CLSTN3: variants seen among roughly 807,000 people sequenced by gnomAD.
The protein encoded by CLSTN3 is calsyntenin-3.
CLSTN3 carries 36 observed loss-of-function variants against 95.9 expected under a neutral mutation model. That is an observed-to-expected ratio of 0.38 (90% CI 0.29 to 0.50). The LOEUF is 0.50. CLSTN3 is among the 20% of genes least tolerant of loss of function. The pLI is 0.95. For missense variants in CLSTN3, 1,084 were observed against 1,268.8 expected, an observed-to-expected ratio of 0.85 and a Z score of 2.21; for synonymous variants, 481 against 504.0, an observed-to-expected ratio of 0.95 and a Z score of 0.61.
At chr12:7,148,208 GAAAGAAAT>G (rs756134386) in intron 12 of CLSTN3, among the ~76,000 whole-genome samples, 3 of 139,266 alleles carry the variant, frequency 2.2e-5, no homozygotes, top group Non-Finnish European at 4.6e-5. Context: ...AAGAAAGAAA[GAAAGAAAT>G]GTGGGAAAAT....
Position 7,130,622 on chromosome 12 carries a change from T to G in CLSTN3, c.-27T>G. On this transcript the variant is annotated 5_prime_UTR_variant, in exon 1 of 18. Coordinates refer to ENST00000266546, the MANE Select transcript of CLSTN3 (RefSeq NM_014718.4). ...GAGGCTCCCAGGGGAGGCAAACGCC[T>G]GGCCCTGCCCTGCCCCACGCCGCAC... is the stretch of plus-strand genomic sequence containing the variant. The G allele has an allele frequency of 6.4e-7, 1 of 1,556,392 alleles. No individual in the cohort carries two copies. Among genetic ancestry groups the G allele is most frequent in the Non-Finnish European group, 8.7e-7 (1 of 1,149,914 alleles).
Position 7,133,627 on chromosome 12 carries a change from T to A in CLSTN3, c.242T>A (p.Ile81Asn), listed in dbSNP as rs148147388. Residue 81 changes from isoleucine (I) to asparagine (N), a missense_variant, in exon 3 of 18, where the codon ATC becomes AAC. Ile to Asn is a moderately radical substitution (Grantham distance 149). Transcript: ENST00000266546. The surrounding 1 kb of genome is among the most constrained non-coding windows in gnomAD (Gnocchi z 4.7). ...TCTGGGGTGCCCTTTGAGGCTGTGA[T>A]CCTTGACAAGGCGACAGGAGAGGGG... is the stretch of plus-strand genomic sequence containing the variant. Reference protein sequence around the residue: ...HGSGVPFEAVILDKATGEGLI... With the variant: ...HGSGVPFEAVNLDKATGEGLI... The A allele has an allele frequency of 6.2e-7, 1 of 1,614,108 alleles. No individual in the cohort carries two copies.
intron 16 of CLSTN3, chr12:7,156,386 C>T (rs1939815960): frequency 1.1e-5 from 5 of 456,614 alleles, no homozygotes; most frequent in African/African-American, 2.0e-5. Flanking sequence ...CATGGCGGCT[C>T]GCTCTGTGGC....
At chr12:7,143,853 G>A (rs10845598) in intron 12 of CLSTN3, among the ~76,000 whole-genome samples, 101,012 of 152,066 alleles carry the variant, frequency 0.66, 35,073 homozygotes, top group Non-Finnish European at 0.77. Context: ...TATGTCTATG[G>A]CTACTTTCAC....
intron 1 of CLSTN3, chr12:7,132,316 G>T: frequency 4.2e-6 from 1 of 236,706 alleles, no homozygotes; most frequent in African/African-American, 2.3e-5. Flanking sequence ...AGCAGGGACG[G>T]GATTTGTCAT....
intron 8 of CLSTN3, among the ~76,000 whole-genome samples, chr12:7,139,436 T>G (rs1591615953): frequency 1.3e-5 from 2 of 152,218 alleles, no homozygotes; most frequent in East Asian, 3.9e-4. Flanking sequence ...GCTCAGCATG[T>G]TCCAAGCATG....
At position 7,133,045 on chromosome 12, in the gene CLSTN3, T is replaced by C; in HGVS notation, c.86T>C (p.Ile29Thr). 6.2e-7 allele frequency: 1 copy of C among 1,613,846 alleles called. No homozygotes were observed. The highest frequency in any genetic ancestry group is 8.5e-7 in the Non-Finnish European group (1 of 1,179,914). Residue 29 changes from isoleucine to threonine, a missense_variant, in exon 2 of 18, where the codon ATT (isoleucine) becomes ACT (threonine). Ile to Thr is a moderately conservative substitution (Grantham distance 89). Transcript: ENST00000266546. The surrounding 1 kb of genome is among the most constrained non-coding windows in gnomAD (Gnocchi z 4.7). Reference protein sequence around the residue: ...CNKANKHKPWIEAEYQGIVME... With the variant: ...CNKANKHKPWTEAEYQGIVME... ...CCAGCCAACAAGCACAAGCCATGGA[T>C]TGAGGCAGAGTACCAGGGCATCGTC...
At position 7,141,956 on chromosome 12, in the gene CLSTN3, G is replaced by A; in HGVS notation, c.1487-130G>A. On this transcript the variant is annotated intron_variant, in intron 9 of 17. Coordinates refer to ENST00000266546, the MANE Select transcript of CLSTN3 (RefSeq NM_014718.4). The surrounding 1 kb of genome is among the most constrained non-coding windows in gnomAD (Gnocchi z 4.1). ...CTGAGAGGTTGCAAGTTATACATGG[G>A]CAGGGTCAGAATCCCATGTGGGCAT... 1 of 683,024 alleles carries A rather than the reference G, an allele frequency of 1.5e-6. No individual in the cohort carries two copies. Among genetic ancestry groups the A allele is most frequent in the Non-Finnish European group, 2.4e-6 (1 of 410,214 alleles). 42.3% of individuals were successfully genotyped at this position (683,024 alleles called of 1,614,324 possible).
chr12:7,135,240 G>C (rs773182437), intron 3 of CLSTN3, 87 bp from the exon 4 acceptor site: 2 of 1,271,228 alleles, frequency 1.6e-6, no homozygotes, highest in Non-Finnish European at 2.3e-6. Flanking sequence ...GCTGTACCTC[G>C]GTGTGCTGTA....
chr12:7,143,403 C>A (rs1489522260), intron 12 of CLSTN3, 92 bp downstream of exon 12: 19 of 1,416,898 alleles, frequency 1.3e-5, no homozygotes, highest in Non-Finnish European at 1.6e-5. Flanking sequence ...GCTAGGCATA[C>A]CTCTTTTGTT....
rs1939383005 is a variant in CLSTN3, at chr12:7,135,245, GCTGTAT to G, written c.384-80_384-75del. ...CCGTATCGAGGCTGTACCTCGGTGT[GCTGTAT>G]CAAGGCTGTATCTCAATGTATAATG... On this transcript the variant is annotated intron_variant, in intron 3 of 17. Transcript: ENST00000266546. 4.1e-5 allele frequency: 55 copies of G among 1,328,302 alleles called. No homozygotes were observed. The South Asian group carries it at 5.9e-4, about 14-fold the overall frequency. The allele number at this position is 1,328,302 out of a possible 1,614,324, so 82.3% of individuals were successfully genotyped here. A position where few individuals can be genotyped will look rare whatever the true frequency, so the allele number is the denominator to read the frequency against.
Position 7,150,620 on chromosome 12 carries a change from C to A in CLSTN3, c.2322C>A (p.Tyr774Ter). Reference protein sequence around the residue: ...RYRLRHGAALYTRKFRLSCSE... With the variant: ...RYRLRHGAAL ...GGCTGCGACACGGAGCTGCCCTCTA[C>A]ACCAGGAAGTTCCGGCTTTCCTGCT... The change falls in exon 15 of 18, where the codon TAC becomes TAA. Residue 774 changes from tyrosine (Y) to a stop codon, truncating the protein, a stop_gained. Coordinates refer to ENST00000266546, the MANE Select transcript of CLSTN3 (RefSeq NM_014718.4). LOFTEE classifies it high-confidence loss of function. This position sits in a 1 kb window ranked among gnomAD's most constrained non-coding sequence, Gnocchi z 4.0. The A allele has an allele frequency of 6.2e-7, 1 of 1,614,174 alleles. No individual in the cohort carries two copies. Among genetic ancestry groups the A allele is most frequent in the Non-Finnish European group, 8.5e-7 (1 of 1,180,014 alleles).
chr12:7,137,861 T>G lies in CLSTN3; in HGVS notation c.1211-94T>G. The G allele has an allele frequency of 7.4e-6, 6 of 813,130 alleles. No homozygotes were observed. Among genetic ancestry groups the G allele is most frequent in the Non-Finnish European group, 9.8e-6 (5 of 511,678 alleles). 50.4% of individuals were successfully genotyped at this position (813,130 alleles called of 1,614,324 possible). A position where few individuals can be genotyped will look rare whatever the true frequency, so the allele number is the denominator to read the frequency against. On this transcript the variant is annotated intron_variant, in intron 7 of 17. Transcript: ENST00000266546. The surrounding 1 kb of genome is among the most constrained non-coding windows in gnomAD (Gnocchi z 4.4). ...TAGAGAACGAGGGAATGAGAGAGGA[T>G]TAAGAGAATCCAACATCCTCTCCTT... is the stretch of plus-strand genomic sequence containing the variant.
At chr12:7,156,513 C>A (rs1429121448) in intron 16 of CLSTN3, 5 of 456,816 alleles carry the variant, frequency 1.1e-5, no homozygotes, top group South Asian at 7.7e-5. Flanking sequence ...TTGCTGGAGA[C>A]CCCCAGACGC....
In CLSTN3 at chr12:7,143,029, A is replaced by AT. The variant is rs1317219880; in HGVS notation, c.1698+5dup. On this transcript the variant is annotated splice_donor_region_variant and intron_variant, in intron 11 of 17. Coordinates refer to ENST00000266546, the MANE Select transcript of CLSTN3 (RefSeq NM_014718.4). ...AGAGCCTGGGCAAAGGCATGAAGGTATTGCCCCATCCTCTAGCCCTGTTCT... is the reference window on the plus strand; with the variant it reads ...AGAGCCTGGGCAAAGGCATGAAGGTATTTGCCCCATCCTCTAGCCCTGTTCT... The AT allele has an allele frequency of 1.9e-6, 3 of 1,612,712 alleles. No individual in the cohort carries two copies. Among genetic ancestry groups the AT allele is most frequent in the Non-Finnish European group, 1.7e-6 (2 of 1,179,138 alleles).
chr12:7,148,422 G>T (rs1342476749), intron 12 of CLSTN3, among the ~76,000 whole-genome samples: 2 of 152,162 alleles, frequency 1.3e-5, no homozygotes, highest in Non-Finnish European at 2.9e-5. Context: ...CTAGGTCCAA[G>T]GTGGTCAGAT....
intron 12 of CLSTN3, among the ~76,000 whole-genome samples, chr12:7,145,540 C>T (rs1403646104): frequency 6.6e-6 from 1 of 151,854 alleles, no homozygotes. Context: ...TGGTCAATGC[C>T]TAAATGCAAG....
intron 1 of CLSTN3, chr12:7,131,017 GT>G (rs1939289347): frequency 4.0e-6 from 2 of 500,918 alleles, no homozygotes; most frequent in African/African-American, 3.9e-5. Context: ...CTACACGCTG[GT>G]GGCTACCTCG....
chr12:7,158,254 T>G lies in CLSTN3; in HGVS notation c.*173T>G. On this transcript the variant is annotated 3_prime_UTR_variant, in exon 18 of 18. Coordinates refer to ENST00000266546, the MANE Select transcript of CLSTN3 (RefSeq NM_014718.4). ...GGCCCTCTGGAGTCCGCCCTGCCCC[T>G]CCCCCGGCCCCCCATCCCTCACTTC... 2 of 689,458 alleles carry G rather than the reference T, an allele frequency of 2.9e-6. No homozygotes were observed. Among genetic ancestry groups the G allele is most frequent in the Non-Finnish European group, 4.5e-6 (2 of 442,152 alleles). The allele number at this position is 689,458 out of a possible 1,614,324, so 42.7% of individuals were successfully genotyped here.
Sources: gnomAD v4.1 joint callset for allele counts (sites outside exome capture counted in the v4.1 genomes callset) on GRCh38, gnomAD v4.1.1 for gene constraint, Gnocchi (gnomAD v3.1) non-coding constraint, MANE v1.5 for transcripts, NCBI Gene and HGNC (gene_info 2026-07-23, HGNC 2026-07-21) for gene names.